Variants in KIF5C observed in about 807,000 individuals in gnomAD.
KIF5C encodes kinesin heavy chain isoform 5C.
A neutral mutation model predicts 125.2 loss-of-function variants in KIF5C; 18 were observed. That is an observed-to-expected ratio of 0.14 (90% CI 0.10 to 0.21). The LOEUF is 0.21. KIF5C is among the 10% of genes least tolerant of loss of function. KIF5C has a pLI of 1.00. For synonymous variants in KIF5C, 405 were observed against 434.0 expected (o/e 0.93, Z 0.83); for missense variants, 780 against 1,183.8 (o/e 0.66, Z 5.01).
rs762645968 is a variant in KIF5C, at chr2:148,983,649, GA to G, written c.1600del (p.Ser534AlafsTer18). The G allele has an allele frequency of 6.2e-7, 1 of 1,602,706 alleles. No homozygotes were observed. Among genetic ancestry groups the G allele is most frequent in the Non-Finnish European group, 8.5e-7 (1 of 1,173,204 alleles). On this transcript the variant is annotated frameshift_variant, in exon 15 of 26. Coordinates refer to ENST00000435030, the MANE Select transcript of KIF5C (RefSeq NM_004522.3). LOFTEE classifies it high-confidence loss of function. ...CATTGACAACCACACAGAGAGAGCTGAGCCAGCTACAAGAGCTTAGCAACCA... is the reference window on the plus strand; with the variant it reads ...CATTGACAACCACACAGAGAGAGCTGGCCAGCTACAAGAGCTTAGCAACCA... ...TTLTTTQRELSQLQELSNHQK... is the reference protein window; with the variant it reads ...TTLTTTQRELXQLQELSNHQK...
At position 148,997,552 on chromosome 2, in the gene KIF5C, T is replaced by A. The variant is rs985292185; in HGVS notation, c.2100+212T>A. The A allele has an allele frequency of 3.7e-6, 3 of 801,412 alleles. No homozygotes were observed. In the African/African-American group the frequency reaches 5.2e-5, roughly 14 times the overall value. The allele number at this position is 801,412 out of a possible 1,614,324, so 49.6% of individuals were successfully genotyped here. ...ACCCCAAGATGTCTGTAGAGAATGGTTAAGTTGCGTTAATACCTTTGTCTT... is the reference window on the plus strand; with the variant it reads ...ACCCCAAGATGTCTGTAGAGAATGGATAAGTTGCGTTAATACCTTTGTCTT... On this transcript the variant is annotated intron_variant, in intron 18 of 25. Transcript: ENST00000435030.
chr2:148,910,757 G>A (rs1187634794), intron 1 of KIF5C, among the ~76,000 whole-genome samples: 2 of 152,346 alleles, frequency 1.3e-5, no homozygotes, highest in East Asian at 3.9e-4. Flanking sequence ...TTTGGCAAAG[G>A]ATGTGGAGCA....
At chr2:148,899,938 T>C (rs1680830595) in intron 1 of KIF5C, among the ~76,000 whole-genome samples, 1 of 152,130 alleles carries the variant, frequency 6.6e-6, no homozygotes, top group South Asian at 2.1e-4. Flanking sequence ...TCAGATCTCA[T>C]GGAAAACAAG....
intron 14 of KIF5C, among the ~76,000 whole-genome samples, chr2:148,982,639 C>G (rs528276193): frequency 3.3e-5 from 5 of 152,178 alleles, no homozygotes; most frequent in African/African-American, 1.2e-4. Flanking sequence ...AAGCAGTTGG[C>G]AATGCCAAAC....
At chr2:148,998,178 T>C (rs539107351) in intron 18 of KIF5C, 5 of 656,312 alleles carry the variant, frequency 7.6e-6, no homozygotes, top group African/African-American at 3.6e-5. Flanking sequence ...GGTGGGCTAA[T>C]TGGCTTCTAG....
At chr2:148,943,643 C>A (rs566817331) in intron 7 of KIF5C, among the ~76,000 whole-genome samples, 82 of 152,292 alleles carry the variant, frequency 5.4e-4, no homozygotes, top group Non-Finnish European at 1.1e-3. Flanking sequence ...CAGATTTCGA[C>A]CCCTGTGAGG....
At chr2:149,010,394 G>A (rs755481350) in intron 24 of KIF5C, 43 bp downstream of exon 24, 3 of 1,497,486 alleles carry the variant, frequency 2.0e-6, no homozygotes, top group South Asian at 2.7e-5. Context: ...AGAAGCTACT[G>A]CGGCCTCTCA....
chr2:148,947,179 C>G, intron 8 of KIF5C, 156 bp downstream of exon 8: 2 of 1,211,312 alleles, frequency 1.7e-6, no homozygotes, highest in Non-Finnish European at 2.2e-6. Context: ...AACCCTTTGT[C>G]CCTGCTTTCT....
At chr2:148,936,643 C>T (rs899216517) in intron 3 of KIF5C, among the ~76,000 whole-genome samples, 5 of 152,108 alleles carry the variant, frequency 3.3e-5, no homozygotes, top group African/African-American at 9.7e-5. Context: ...AGTAGAAAAG[C>T]GGGGAAAGAA....
At chr2:148,998,277 C>T in intron 18 of KIF5C, 123 bp from the exon 19 acceptor site, 1 of 1,446,672 alleles carries the variant, frequency 6.9e-7, no homozygotes, top group Non-Finnish European at 9.3e-7. Context: ...AGAAATGCCC[C>T]CAGTTTTGGG....
intron 8 of KIF5C, chr2:148,947,846 C>T: frequency 2.2e-6 from 1 of 455,888 alleles, no homozygotes; most frequent in Non-Finnish European, 4.4e-6. Flanking sequence ...GCTGATTGTC[C>T]CCATGAAGGC....
chr2:149,014,176 C>T (rs1288348456), intron 25 of KIF5C, among the ~76,000 whole-genome samples: 12 of 152,184 alleles, frequency 7.9e-5, no homozygotes, highest in Admixed American at 7.9e-4. Context: ...AGGCATGTGC[C>T]ACCATGCCCA....
intron 1 of KIF5C, among the ~76,000 whole-genome samples, chr2:148,885,047 T>G (rs1393468340): frequency 6.6e-6 from 1 of 151,100 alleles, no homozygotes; most frequent in Non-Finnish European, 1.5e-5. Context: ...CTTGGCTCAC[T>G]GCAACCTCCG....
chr2:148,899,283 TA>T, intron 1 of KIF5C, among the ~76,000 whole-genome samples: 1 of 152,216 alleles, frequency 6.6e-6, no homozygotes, highest in East Asian at 1.9e-4. Context: ...GCTTTATTGT[TA>T]AATACCATTG....
intron 24 of KIF5C, among the ~76,000 whole-genome samples, chr2:149,011,090 G>T (rs896031908): frequency 2.0e-5 from 3 of 151,582 alleles, no homozygotes; most frequent in African/African-American, 7.3e-5. Flanking sequence ...TTGCAAACCA[G>T]CAGTTTCACG....
At chr2:148,935,676 A>T (rs1467086194) in intron 3 of KIF5C, among the ~76,000 whole-genome samples, 1 of 152,234 alleles carries the variant, frequency 6.6e-6, no homozygotes, top group African/African-American at 2.4e-5. Flanking sequence ...CAGTCTCTTC[A>T]GGTGAAATAA....
intron 1 of KIF5C, among the ~76,000 whole-genome samples, chr2:148,889,248 A>G (rs1681639850): frequency 6.6e-6 from 1 of 152,176 alleles, no homozygotes; most frequent in Admixed American, 6.5e-5. Flanking sequence ...TCACTTGAAA[A>G]TATTTGGAGA....
At chr2:148,947,187 T>C (rs1384471569) in intron 8 of KIF5C, 164 bp downstream of exon 8, 2 of 1,138,994 alleles carry the variant, frequency 1.8e-6, no homozygotes, top group African/African-American at 3.1e-5. Context: ...GTCCCTGCTT[T>C]CTTTTCTGGT....
At chr2:148,975,276 G>A (rs1558927139) in intron 12 of KIF5C, among the ~76,000 whole-genome samples, 3 of 152,124 alleles carry the variant, frequency 2.0e-5, no homozygotes, top group African/African-American at 7.2e-5. Context: ...CTTACCAACT[G>A]TCATTCTTAG....
Sources: allele counts gnomAD v4.1 joint callset (sites outside exome capture counted in the v4.1 genomes callset), GRCh38; gene constraint gnomAD v4.1.1; transcripts MANE v1.5; gene names NCBI Gene and HGNC (gene_info 2026-07-23, HGNC 2026-07-21).